Variants in FAM178B observed in about 807,000 individuals in gnomAD.
FAM178B encodes protein FAM178B.
In FAM178B, 82 loss-of-function variants were observed where a neutral mutation model predicts 91.7. The ratio of observed to expected loss-of-function variants is 0.89; its 90% CI spans 0.75 to 1.07. The LOEUF (loss-of-function observed/expected upper bound fraction) is 1.07. FAM178B is among the 50% of genes least tolerant of loss of function. The probability of loss-of-function intolerance (pLI) is 0.00; values close to 1 mark genes in which losing one functional copy is unlikely to be tolerated. For synonymous variants in FAM178B, 368 were observed against 359.4 expected, an observed-to-expected ratio of 1.02 and a Z score of -0.27; for missense variants, 769 against 846.7, an observed-to-expected ratio of 0.91 and a Z score of 1.14.
chr2:96,876,416 T>A (rs1391992007), intron 16 of FAM178B, 108 bp from the exon 17 acceptor site: 5 of 1,392,644 alleles, frequency 3.6e-6, no homozygotes, highest in African/African-American at 1.4e-5. Flanking sequence ...CGCAGGCTCA[T>A]GCCAGGGGCC....
At chr2:96,973,565 G>GA (rs2082251736) in intron 1 of FAM178B, among the ~76,000 whole-genome samples, 1 of 152,116 alleles carries the variant, frequency 6.6e-6, no homozygotes, top group Non-Finnish European at 1.5e-5. Flanking sequence ...CAACACAGAT[G>GA]AAAGGCTAAT....
chr2:96,970,850 AAATT>A (rs1443359324), intron 3 of FAM178B, 73 bp from the exon 4 acceptor site: 31 of 1,031,700 alleles, frequency 3.0e-5, no homozygotes, highest in Non-Finnish European at 4.3e-5. Flanking sequence ...AAAAAAAACT[AAATT>A]AAGCCCTTTA....
chr2:96,905,241 T>A (rs990659176), intron 12 of FAM178B, among the ~76,000 whole-genome samples: 1 of 152,056 alleles, frequency 6.6e-6, no homozygotes, highest in Non-Finnish European at 1.5e-5. Flanking sequence ...TGTTTGTATA[T>A]TGTAGTTCAA....
At chr2:96,912,730 C>G (rs570982217) in intron 12 of FAM178B, among the ~76,000 whole-genome samples, 19 of 152,362 alleles carry the variant, frequency 1.2e-4, no homozygotes, top group Middle Eastern at 3.4e-3. Context: ...TGCTGTCTGC[C>G]TCCCAGCTCC....
intron 5 of FAM178B, 33 bp from the exon 6 acceptor site, chr2:96,960,473 C>G: frequency 6.6e-7 from 1 of 1,511,448 alleles, no homozygotes; most frequent in Non-Finnish European, 8.9e-7. Flanking sequence ...GGCCGGGCAT[C>G]AGCAGATGCA....
At chr2:96,913,604 G>A (rs558461223) in intron 12 of FAM178B, among the ~76,000 whole-genome samples, 2 of 152,318 alleles carry the variant, frequency 1.3e-5, no homozygotes, top group African/African-American at 4.8e-5. Context: ...CCTGACGAGC[G>A]TGAGGCTGCT....
chr2:96,898,688 G>T (rs1232966086), intron 13 of FAM178B, among the ~76,000 whole-genome samples: 2 of 152,120 alleles, frequency 1.3e-5, no homozygotes, highest in Non-Finnish European at 2.9e-5. Context: ...TTCCCTGTTG[G>T]GTGACCCTGG....
intron 8 of FAM178B, among the ~76,000 whole-genome samples, chr2:96,945,373 T>C (rs1327400263): frequency 3.6e-5 from 2 of 55,328 alleles, no homozygotes; most frequent in Non-Finnish European, 8.2e-5. Context: ...CCTGGTCCCC[T>C]CAACTCTTTC....
chr2:96,936,416 T>C (rs369924665), intron 8 of FAM178B, among the ~76,000 whole-genome samples: 1 of 151,630 alleles, frequency 6.6e-6, no homozygotes, highest in Non-Finnish European at 1.5e-5. Flanking sequence ...TTAGCCAGGA[T>C]GGTCTCGATC....
At chr2:96,984,898 G>A (rs1327632920) in intron 1 of FAM178B, among the ~76,000 whole-genome samples, 2 of 152,164 alleles carry the variant, frequency 1.3e-5, no homozygotes, top group East Asian at 3.9e-4. Flanking sequence ...ACTGGACTCA[G>A]GCCATGGCTG....
chr2:96,966,808 CTCTT>C (rs1001228041), intron 5 of FAM178B, among the ~76,000 whole-genome samples: 23 of 152,242 alleles, frequency 1.5e-4, no homozygotes, highest in African/African-American at 5.3e-4. Flanking sequence ...GCTCTCTTGC[CTCTT>C]TCTGTCACGT....
At chr2:96,888,269 C>A (rs2080577379) in intron 14 of FAM178B, among the ~76,000 whole-genome samples, 1 of 152,246 alleles carries the variant, frequency 6.6e-6, no homozygotes, top group African/African-American at 2.4e-5. Flanking sequence ...TTCTGAATAT[C>A]CATTTTCTGT....
In FAM178B at chr2:96,929,202, T is replaced by C. The variant is rs2081499541; in HGVS notation, c.1193+4A>G. ...AAAGGCAGTGAGGAAGCAGAAGTAC[T>C]CACCTGCCACCGTGCCAAAAGGGCC... is the stretch of plus-strand genomic sequence containing the variant. On this transcript the variant is annotated splice_donor_region_variant and intron_variant, in intron 9 of 16. Transcript: ENST00000490605. The C allele has an allele frequency of 1.3e-6, 2 of 1,539,806 alleles. No homozygotes were observed. Among genetic ancestry groups the C allele is most frequent in the East Asian group, 4.9e-5 (2 of 40,848 alleles).
intron 1 of FAM178B, among the ~76,000 whole-genome samples, chr2:96,977,587 C>T (rs2082307981): frequency 6.6e-6 from 1 of 150,782 alleles, no homozygotes; most frequent in African/African-American, 2.4e-5. Flanking sequence ...ACCAAGCAAA[C>T]GTTTTAGTGT....
At chr2:96,890,953 T>A (rs576267494) in intron 14 of FAM178B, among the ~76,000 whole-genome samples, 1 of 152,242 alleles carries the variant, frequency 6.6e-6, no homozygotes, top group Non-Finnish European at 1.5e-5. Context: ...CACAGGGCCA[T>A]AGATAACCAA....
intron 12 of FAM178B, among the ~76,000 whole-genome samples, chr2:96,906,470 C>T (rs1283988130): frequency 6.6e-6 from 1 of 152,150 alleles, no homozygotes; most frequent in African/African-American, 2.4e-5. Flanking sequence ...ACTGTGAAGG[C>T]CTGATGTGAA....
chr2:96,877,552 A>G (rs1171706199), intron 16 of FAM178B, among the ~76,000 whole-genome samples: 2 of 151,986 alleles, frequency 1.3e-5, no homozygotes, highest in East Asian at 3.9e-4. Context: ...ACAGGCGCAC[A>G]CCACCGCGCC....
intron 7 of FAM178B, among the ~76,000 whole-genome samples, chr2:96,950,917 G>A (rs1489101807): frequency 1.3e-5 from 2 of 152,170 alleles, no homozygotes; most frequent in African/African-American, 2.4e-5. Flanking sequence ...CAGGATTGCC[G>A]TGGGCCCTGA....
At chr2:96,909,607 G>A (rs1458699776) in intron 12 of FAM178B, among the ~76,000 whole-genome samples, 2 of 152,190 alleles carry the variant, frequency 1.3e-5, no homozygotes, top group Non-Finnish European at 2.9e-5. Flanking sequence ...TGAGGCTGAT[G>A]CTCATTTTCT....
Sources: gnomAD v4.1 joint callset for allele counts (sites outside exome capture counted in the v4.1 genomes callset) on GRCh38, gnomAD v4.1.1 for gene constraint, MANE v1.5 for transcripts, NCBI Gene and HGNC (gene_info 2026-07-23, HGNC 2026-07-21) for gene names.